C21orf58: variants seen among roughly 807,000 people sequenced by gnomAD.
C21orf58 encodes chromosome 21 open reading frame 58.
C21orf58 carries 34 observed loss-of-function variants against 35.8 expected under a neutral mutation model. The ratio of observed to expected loss-of-function variants is 0.95; its 90% CI spans 0.72 to 1.26. The LOEUF (loss-of-function observed/expected upper bound fraction) is 1.26. Ranked by LOEUF, C21orf58 falls within the 50% of genes most tolerant of loss-of-function variation. C21orf58 has a pLI of 0.00. For missense variants in C21orf58, 440 were observed against 414.3 expected (o/e 1.06, Z -0.54); for synonymous variants, 191 against 175.8 (o/e 1.09, Z -0.68).
intron 1 of C21orf58, chr21:46,320,656 GAA>G (rs1166808857): frequency 6.6e-6 from 1 of 151,862 alleles, no homozygotes; most frequent in Non-Finnish European, 1.5e-5. Flanking sequence ...CTATGGCCAT[GAA>G]AAGAGCAGAA....
intron 6 of C21orf58, among the ~76,000 whole-genome samples, chr21:46,303,725 ATATATATATATATATATATATTTTTTTT>A (rs2082250190): frequency 5.7e-4 from 15 of 26,216 alleles, no homozygotes; most frequent in Non-Finnish European, 7.9e-4. Flanking sequence ...ATATATATAT[ATATATATATATATATATATATTTTTTTT>A]TTTTTTTTTT....
rs2083218997 is a variant in C21orf58 at position 46,322,762 on chromosome 21, G to C, written c.-24C>G. ...ATTGCGCTATAGCCTGGGCGTCGCA[G>C]CGAGACTGTCTCAAAAAAAGAAAAA... is the stretch of plus-strand genomic sequence containing the variant. On this transcript the variant is annotated 5_prime_UTR_variant, in exon 1 of 8. Coordinates refer to ENST00000291691, the MANE Select transcript of C21orf58 (RefSeq NM_058180.5). The C allele has an allele frequency of 7.0e-7, 1 of 1,420,776 alleles. No individual in the cohort carries two copies. Among genetic ancestry groups the C allele is most frequent in the African/African-American group, 1.5e-5 (1 of 68,112 alleles). The allele number at this position is 1,420,776 out of a possible 1,614,324, so 88.0% of individuals were successfully genotyped here. A position where few individuals can be genotyped will look rare whatever the true frequency, so the allele number is the denominator to read the frequency against.
chr21:46,305,798 C>T (rs562952417), intron 6 of C21orf58, among the ~76,000 whole-genome samples: 45 of 151,922 alleles, frequency 3.0e-4, no homozygotes, highest in African/African-American at 9.7e-4. Context: ...AAAAATTAGC[C>T]GGGCCTGGTG....
chr21:46,300,819 A>C, downstream of C21orf58: 1 of 1,275,148 alleles, frequency 7.8e-7, no homozygotes, highest in Non-Finnish European at 1.0e-6. Context: ...ATGAAAGTTT[A>C]TGTATACTAC....
intron 3 of C21orf58, among the ~76,000 whole-genome samples, chr21:46,316,643 G>T (rs1167981682): frequency 6.6e-6 from 1 of 152,194 alleles, no homozygotes; most frequent in Non-Finnish European, 1.5e-5. Context: ...CAAACCCTCT[G>T]CCCCAGGCAC....
At position 46,323,378 on chromosome 21, in the gene C21orf58, T is replaced by TA. The variant is rs1261961121; in HGVS notation, c.-641dup. ...ACGGCCCCATTTCTCTTCTGTCTAC[T>TA]AAAAACCTTTTCTTTTCTTTTTTTT... is the stretch of plus-strand genomic sequence containing the variant. On this transcript the variant is annotated 5_prime_UTR_variant, in exon 1 of 8. Transcript: ENST00000291691. The TA allele has an allele frequency of 6.7e-6, 1 of 150,162 alleles. No individual in the cohort carries two copies. Among genetic ancestry groups the TA allele is most frequent in the South Asian group, 2.1e-4 (1 of 4,760 alleles). 9.3% of individuals were successfully genotyped at this position (150,162 alleles called of 1,614,324 possible).
chr21:46,315,594 T>C, intron 3 of C21orf58, 47 bp from the exon 4 acceptor site: 1 of 1,279,058 alleles, frequency 7.8e-7, no homozygotes, highest in Non-Finnish European at 1.1e-6. Context: ...GTAGAGGCTG[T>C]CGCTGCAAGC....
At position 46,301,300 on chromosome 21, in the gene C21orf58, C is replaced by T. The variant is rs905479771; in HGVS notation, c.*699G>A. On this transcript the variant is annotated 3_prime_UTR_variant, in exon 8 of 8. Transcript: ENST00000291691. ...GAGATAACAGGCGCATATCACCACA[C>T]CTGGCTAGTTTTTTAAATTTATTTT... 3.6e-6 allele frequency: 1 copy of T among 277,630 alleles called. No homozygotes were observed. The highest frequency in any genetic ancestry group is 5.5e-6 in the Non-Finnish European group (1 of 182,912). The allele number at this position is 277,630 out of a possible 1,614,324, so 17.2% of individuals were successfully genotyped here.
Position 46,301,620 on chromosome 21 carries a change from C to T in C21orf58, c.*379G>A. On this transcript the variant is annotated 3_prime_UTR_variant, in exon 8 of 8. Transcript: ENST00000291691. Reference sequence around the variant, plus strand: ...TTCTTAAACTCTTTCTGGATGAAATCTTTATTTCATCAGGCTGGTGGCGTC... The same window carrying T: ...TTCTTAAACTCTTTCTGGATGAAATTTTTATTTCATCAGGCTGGTGGCGTC... The T allele has an allele frequency of 9.7e-7, 1 of 1,035,400 alleles. No individual in the cohort carries two copies. Among genetic ancestry groups the T allele is most frequent in the East Asian group, 7.8e-5 (1 of 12,842 alleles). 64.1% of individuals were successfully genotyped at this position (1,035,400 alleles called of 1,614,324 possible). A position where few individuals can be genotyped will look rare whatever the true frequency, so the allele number is the denominator to read the frequency against.
At chr21:46,310,547 G>A (rs1313592876) in intron 6 of C21orf58, among the ~76,000 whole-genome samples, 1 of 150,440 alleles carries the variant, frequency 6.6e-6, no homozygotes, top group African/African-American at 2.5e-5. Context: ...AGTGGCAAAC[G>A]CCTATAATCC....
rs769880524 is a variant in C21orf58, at chr21:46,317,972, C to T, written c.309+40G>A. The T allele has an allele frequency of 3.2e-5, 51 of 1,606,224 alleles. 1 individual carries two copies. In the South Asian group the frequency reaches 4.7e-4, roughly 15 times the overall value. On this transcript the variant is annotated intron_variant, in intron 2 of 7. Transcript: ENST00000291691. ...AGAGTCCCTCCAACGCCACAGCCTG[C>T]GAGTTGTTAAAAACAGGAGCATCCC...
At chr21:46,314,637 C>A in intron 5 of C21orf58, 79 bp downstream of exon 5, 4 of 1,149,636 alleles carry the variant, frequency 3.5e-6, no homozygotes, top group Non-Finnish European at 4.8e-6. Context: ...GCAGGCACAG[C>A]GCCTCCTGCC....
chr21:46,309,593 G>C (rs1601664635), intron 6 of C21orf58, among the ~76,000 whole-genome samples: 1 of 152,090 alleles, frequency 6.6e-6, no homozygotes, highest in Non-Finnish European at 1.5e-5. Context: ...GCAATTAGAA[G>C]GAACCATTTA....
At chr21:46,317,501 C>T (rs996632254) in intron 2 of C21orf58, among the ~76,000 whole-genome samples, 4 of 152,228 alleles carry the variant, frequency 2.6e-5, no homozygotes, top group Non-Finnish European at 4.4e-5. Context: ...GGGGCGGATG[C>T]TCTGAGTGGT....
chr21:46,304,458 C>T (rs1490219159), intron 6 of C21orf58, among the ~76,000 whole-genome samples: 1 of 151,490 alleles, frequency 6.6e-6, no homozygotes. Context: ...TGCACTCCAG[C>T]CTGGGCAATG....
intron 3 of C21orf58, 81 bp from the exon 4 acceptor site, chr21:46,315,628 C>T (rs2082947554): frequency 7.5e-6 from 7 of 933,744 alleles, no homozygotes; most frequent in Non-Finnish European, 1.2e-5. Flanking sequence ...GGTACTGCAC[C>T]CATGTCGGAA....
intron 6 of C21orf58, among the ~76,000 whole-genome samples, chr21:46,305,172 G>C (rs550740877): frequency 1.1e-4 from 16 of 152,268 alleles, no homozygotes; most frequent in Admixed American, 3.3e-4. Flanking sequence ...CTGACGGGAG[G>C]GGGTGACGTA....
chr21:46,310,852 A>G (rs1185305169), intron 6 of C21orf58, among the ~76,000 whole-genome samples: 2 of 151,242 alleles, frequency 1.3e-5, no homozygotes, highest in African/African-American at 2.4e-5. Flanking sequence ...TTAAAAATCA[A>G]GTATTTAAAA....
At chr21:46,317,165 T>TG (rs2083002408) in intron 3 of C21orf58, 43 bp downstream of exon 3, 1 of 1,589,360 alleles carries the variant, frequency 6.3e-7, no homozygotes, top group African/African-American at 1.3e-5. Context: ...TGGCTACACT[T>TG]GCGTCTGTCT....
Sources: gnomAD v4.1 joint callset for allele counts (sites outside exome capture counted in the v4.1 genomes callset) on GRCh38, gnomAD v4.1.1 for gene constraint, MANE v1.5 for transcripts, NCBI Gene and HGNC (gene_info 2026-07-23, HGNC 2026-07-21) for gene names.